EFCAB6: variants seen among roughly 807,000 people sequenced by gnomAD.
EFCAB6 encodes EF-hand calcium-binding domain-containing protein 6.
In EFCAB6, 156 loss-of-function variants were observed where a neutral mutation model predicts 169.8. The ratio of observed to expected loss-of-function variants is 0.92; its 90% CI spans 0.81 to 1.05. The LOEUF is 1.05. Among genes scored for constraint, EFCAB6 ranks in the 50% least tolerant of loss-of-function variants. The probability of loss-of-function intolerance (pLI) is 0.00; values close to 1 mark genes in which losing one functional copy is unlikely to be tolerated. For synonymous variants in EFCAB6, 698 were observed against 676.4 expected (o/e 1.03, Z -0.50); for missense variants, 1,800 against 1,829.1 (o/e 0.98, Z 0.29).
intron 19 of EFCAB6, among the ~76,000 whole-genome samples, chr22:43,629,030 G>T (rs2054731852): frequency 6.6e-6 from 1 of 152,176 alleles, no homozygotes; most frequent in Non-Finnish European, 1.5e-5. Flanking sequence ...ACTGCAACGT[G>T]GGCCCTGACA....
intron 1 of EFCAB6, among the ~76,000 whole-genome samples, chr22:43,811,782 G>A (rs1288118518): frequency 6.6e-6 from 1 of 152,146 alleles, no homozygotes; most frequent in Non-Finnish European, 1.5e-5. Flanking sequence ...GACTGCTGTG[G>A]GCACAAATGA....
intron 22 of EFCAB6, among the ~76,000 whole-genome samples, chr22:43,603,999 G>A (rs752409606): frequency 3.9e-5 from 6 of 152,130 alleles, no homozygotes; most frequent in Non-Finnish European, 8.8e-5. Context: ...CTGAAGGTTT[G>A]AAAGTGTGTG....
At chr22:43,655,536 A>AG (rs2056695055) in intron 17 of EFCAB6, among the ~76,000 whole-genome samples, 1 of 149,712 alleles carries the variant, frequency 6.7e-6, no homozygotes, top group South Asian at 2.1e-4. Flanking sequence ...AAAAAAAAAA[A>AG]GTTGGATAAT....
chr22:43,547,032 G>T (rs973548263), intron 27 of EFCAB6, among the ~76,000 whole-genome samples: 1 of 152,130 alleles, frequency 6.6e-6, no homozygotes, highest in African/African-American at 2.4e-5. Flanking sequence ...GATCTCAGAA[G>T]AAAGGTCTAA....
chr22:43,624,431 CCCTCCTGG>C (rs1175994299), intron 20 of EFCAB6, among the ~76,000 whole-genome samples: 1 of 152,176 alleles, frequency 6.6e-6, no homozygotes, highest in African/African-American at 2.4e-5. Context: ...CGCCCTCCTG[CCCTCCTGG>C]CCTCCTCCCC....
At chr22:43,588,983 A>G (rs959924220) in intron 24 of EFCAB6, among the ~76,000 whole-genome samples, 1 of 152,152 alleles carries the variant, frequency 6.6e-6, no homozygotes, top group African/African-American at 2.4e-5. Flanking sequence ...CCATGAGGTA[A>G]CGGAGGCTGA....
At chr22:43,561,356 C>CAAAAA (rs768942774) in intron 26 of EFCAB6, among the ~76,000 whole-genome samples, 67 of 112,164 alleles carry the variant, frequency 6.0e-4, no homozygotes, top group Middle Eastern at 4.8e-3. Context: ...GACTCTGTCT[C>CAAAAA]AAAAAAAAAA....
chr22:43,530,152 C>G (rs1448753392), intron 31 of EFCAB6, among the ~76,000 whole-genome samples: 1 of 152,224 alleles, frequency 6.6e-6, no homozygotes, highest in Non-Finnish European at 1.5e-5. Context: ...ACCTTCCCAG[C>G]ACCACGCCCG....
chr22:43,540,145 C>A lies in EFCAB6; in HGVS notation c.3861G>T (p.Lys1287Asn). The change falls in exon 28 of 32, where the codon AAG (lysine) becomes AAT (asparagine). Residue 1287 changes from lysine to asparagine, a missense_variant. By Grantham distance (94) the Lys-to-Asn change is moderately conservative. Coordinates refer to ENST00000262726, the MANE Select transcript of EFCAB6 (RefSeq NM_022785.4). ...AACTCACACAGGGGTGGCTCTGCGA[C>A]TTTGACCCTGGTCTCAGCTCCTGAG... Reference protein sequence around the residue: ...LPTQELRPGSKSQSHPCTPAS... With the variant: ...LPTQELRPGSNSQSHPCTPAS... 1 of 1,614,110 alleles carries A rather than the reference C, an allele frequency of 6.2e-7. No homozygotes were observed. Among genetic ancestry groups the A allele is most frequent in the Non-Finnish European group, 8.5e-7 (1 of 1,179,978 alleles).
chr22:43,703,774 T>C (rs1254184806), intron 10 of EFCAB6, among the ~76,000 whole-genome samples: 1 of 149,510 alleles, frequency 6.7e-6, no homozygotes, highest in African/African-American at 2.5e-5. Flanking sequence ...GAAGAAGGAA[T>C]CAATGAGCTT....
intron 17 of EFCAB6, among the ~76,000 whole-genome samples, chr22:43,651,118 G>A (rs1451684893): frequency 6.6e-6 from 1 of 152,220 alleles, no homozygotes; most frequent in East Asian, 1.9e-4. Flanking sequence ...CCAAGACAAT[G>A]GTGAAAATGT....
Position 43,540,282 on chromosome 22 carries a change from T to G in EFCAB6, c.3724A>C (p.Ser1242Arg). 1 of 1,614,222 alleles carries G rather than the reference T, an allele frequency of 6.2e-7. No homozygotes were observed. Among genetic ancestry groups the G allele is most frequent in the Non-Finnish European group, 8.5e-7 (1 of 1,180,042 alleles). The change falls in exon 28 of 32, where the codon AGT becomes CGT. Residue 1242 changes from serine (S) to arginine (R), a missense_variant. By Grantham distance (110) the Ser-to-Arg change is moderately radical. Transcript: ENST00000262726. Reference protein sequence around the residue: ...LKYPDFLSRFSSETAATPMAT... With the variant: ...LKYPDFLSRFRSETAATPMAT... ...ATTGGTGTGGCTGCTGTCTCGGAAC[T>G]GAACCTGCTCAGGAAGTCCGGGTAT...
rs759610061 is a variant in EFCAB6 at position 43,540,358 on chromosome 22, C to A, written c.3649-1G>T. The A allele has an allele frequency of 8.1e-6, 13 of 1,614,068 alleles. No individual in the cohort carries two copies. The highest frequency in any genetic ancestry group is 1.1e-5 in the Non-Finnish European group (13 of 1,180,032). Reference sequence around the variant, plus strand: ...GCATCTCGTTCCAGAGTCTGTCAAACTGGAGAAGGAGCAGAAGTCATTTCC... The same window carrying A: ...GCATCTCGTTCCAGAGTCTGTCAAAATGGAGAAGGAGCAGAAGTCATTTCC... On this transcript the variant is annotated splice_acceptor_variant, in intron 27 of 31. Transcript: ENST00000262726. LOFTEE classifies it high-confidence loss of function.
At chr22:43,761,357 T>C (rs1894629) in intron 5 of EFCAB6, among the ~76,000 whole-genome samples, 133,650 of 152,166 alleles carry the variant, frequency 0.88, 58,751 homozygotes, top group East Asian at 0.99. Context: ...CTCTTCCTGT[T>C]TTCCAAGTCT....
At chr22:43,548,873 T>A (rs549948194) in intron 27 of EFCAB6, among the ~76,000 whole-genome samples, 2 of 152,276 alleles carry the variant, frequency 1.3e-5, no homozygotes, top group African/African-American at 4.8e-5. Context: ...GGAACATTTA[T>A]TAAAAAAAGA....
chr22:43,802,530 CAA>C (rs34477562), intron 2 of EFCAB6: 1,101 of 297,134 alleles, frequency 3.7e-3, no homozygotes, highest in East Asian at 8.9e-3. Context: ...GACTCTATCT[CAA>C]AAAAAAAAAA....
chr22:43,672,005 G>A lies in EFCAB6; in HGVS notation c.1608C>T (p.Phe536=), dbSNP rs2057513428. The A allele has an allele frequency of 6.2e-7, 1 of 1,614,096 alleles. No individual in the cohort carries two copies. The highest frequency in any genetic ancestry group is 1.3e-5 in the African/African-American group (1 of 75,050). Reference sequence around the variant, plus strand: ...AATGTGCATTCGTTAAAAATGGACAGAAGACGTGCATGATTTTCTTGAAAT... The same window carrying A: ...AATGTGCATTCGTTAAAAATGGACAAAAGACGTGCATGATTTTCTTGAAAT... ...RNNFKKIMHV[F]CPFLTNAHFI... is the part of the protein sequence containing the mutation. Residue 536 remains phenylalanine, a synonymous_variant, in exon 15 of 32, where the codon TTC becomes TTT. Transcript: ENST00000262726.
At chr22:43,561,068 G>A (rs1041104116) in intron 26 of EFCAB6, among the ~76,000 whole-genome samples, 1 of 152,154 alleles carries the variant, frequency 6.6e-6, no homozygotes, top group African/African-American at 2.4e-5. Flanking sequence ...AGAAAACTTA[G>A]AAACTACAGG....
intron 26 of EFCAB6, chr22:43,570,280 T>TA (rs373198626): frequency 3.3e-5 from 5 of 152,300 alleles, no homozygotes; most frequent in African/African-American, 9.6e-5. Flanking sequence ...TGTGTTTTGT[T>TA]AAAAAATTCC....
Sources: gnomAD v4.1 joint callset for allele counts (sites outside exome capture counted in the v4.1 genomes callset) on GRCh38, gnomAD v4.1.1 for gene constraint, MANE v1.5 for transcripts, NCBI Gene and HGNC (gene_info 2026-07-23, HGNC 2026-07-21) for gene names.